The following RBFOX1 variants were observed in gnomAD, a reference collection of about 807,000 sequenced individuals.
RBFOX1 encodes the protein RNA binding fox-1 homolog 1.
In RBFOX1, 8 loss-of-function variants were observed where a neutral mutation model predicts 57.7. That is an observed-to-expected ratio of 0.14 (90% CI 0.08 to 0.25). RBFOX1 has a LOEUF of 0.25. RBFOX1 is among the 10% of genes least tolerant of loss of function. RBFOX1 has a pLI of 1.00. For missense variants in RBFOX1, 611 were observed against 548.5 expected (o/e 1.11, Z -1.14); for synonymous variants, 326 against 222.4 (o/e 1.47, Z -4.15).
intron 2 of RBFOX1, among the ~76,000 whole-genome samples, chr16:6,335,398 C>G (rs1314977468): frequency 1.3e-5 from 2 of 152,114 alleles, no homozygotes; most frequent in Admixed American, 6.5e-5. Context: ...GGAGGAAGTT[C>G]TAGAAATGTG....
At chr16:6,154,927 G>A (rs967504874) in intron 1 of RBFOX1, among the ~76,000 whole-genome samples, 1 of 152,140 alleles carries the variant, frequency 6.6e-6, no homozygotes, top group African/African-American at 2.4e-5. Flanking sequence ...CAATTAGCAA[G>A]CAACTATATT....
At chr16:6,098,276 A>G (rs1012079775) in intron 1 of RBFOX1, among the ~76,000 whole-genome samples, 74 of 152,192 alleles carry the variant, frequency 4.9e-4, no homozygotes, top group Non-Finnish European at 8.8e-5. Context: ...GACAGGCCCA[A>G]GGTCACCTGG....
At chr16:5,467,903 A>T (rs1157592649) in intron 2 of RBFOX1, among the ~76,000 whole-genome samples, 1 of 152,228 alleles carries the variant, frequency 6.6e-6, no homozygotes, top group Non-Finnish European at 1.5e-5. Flanking sequence ...TAGTGTCAAG[A>T]TAGCATCTTT....
intron 3 of RBFOX1, among the ~76,000 whole-genome samples, chr16:6,694,795 C>T (rs760277237): frequency 2.6e-5 from 4 of 152,100 alleles, no homozygotes; most frequent in Non-Finnish European, 4.4e-5. Context: ...AGGGCTTTTC[C>T]GTGCATCAGT....
intron 3 of RBFOX1, among the ~76,000 whole-genome samples, chr16:5,700,235 G>A (rs2050996734): frequency 6.6e-6 from 1 of 151,908 alleles, no homozygotes; most frequent in Non-Finnish European, 1.5e-5. Context: ...CAATTTTTGT[G>A]CTGAATTTAT....
At chr16:7,708,963 C>T (rs889459596) in intron 14 of RBFOX1, 93 bp from the exon 15 acceptor site, 52 of 1,168,020 alleles carry the variant, frequency 4.5e-5, no homozygotes, top group Non-Finnish European at 6.4e-5. Flanking sequence ...GAGTAGGGCC[C>T]CTGCATACTG....
At chr16:7,701,207 C>G (rs909115734) in intron 14 of RBFOX1, among the ~76,000 whole-genome samples, 5 of 152,188 alleles carry the variant, frequency 3.3e-5, no homozygotes, top group African/African-American at 1.2e-4. Flanking sequence ...TGGAGCATTT[C>G]TTCCACTTCT....
At chr16:7,088,074 C>T (rs2060256604) in intron 4 of RBFOX1, among the ~76,000 whole-genome samples, 1 of 152,034 alleles carries the variant, frequency 6.6e-6, no homozygotes, top group South Asian at 2.1e-4. Flanking sequence ...AGACCTGGTT[C>T]ATTAGCATTA....
In RBFOX1 at chr16:7,052,364, C is replaced by T. The variant is rs529600798; in HGVS notation, c.27+266C>T. ...TTTTCTTCTGGAATTTGTTTGACAT[C>T]ATTGTACTCTTTTTATGTACAACAC... On this transcript the variant is annotated intron_variant, in intron 4 of 15. Coordinates refer to ENST00000550418, the MANE Select transcript of RBFOX1 (RefSeq NM_018723.4). Among the ~76,000 whole-genome samples, 9 of 152,286 alleles carry T rather than the reference C, an allele frequency of 5.9e-5. No homozygotes were observed. The East Asian group carries it at 1.7e-3, about 29-fold the overall frequency.
At chr16:7,253,076 C>G (rs749505861) in intron 4 of RBFOX1, among the ~76,000 whole-genome samples, 19 of 152,166 alleles carry the variant, frequency 1.2e-4, no homozygotes, top group Non-Finnish European at 2.2e-4. Context: ...CTTATAATTA[C>G]CTTTAAACAC....
chr16:6,786,688 C>T (rs1403475106), intron 3 of RBFOX1, among the ~76,000 whole-genome samples: 1 of 152,114 alleles, frequency 6.6e-6, no homozygotes, highest in South Asian at 2.1e-4. Context: ...GTTCTGTTTT[C>T]CCTGAATGGG....
At position 5,395,979 on chromosome 16, in the gene RBFOX1, C is replaced by T. The variant is rs560816144; in HGVS notation, c.220-71237C>T. Among the ~76,000 whole-genome samples the T allele has an allele frequency of 2.6e-5, 4 of 152,308 alleles. No individual in the cohort carries two copies. In the East Asian group the frequency reaches 7.7e-4, roughly 29 times the overall value. The stretch of plus-strand genomic sequence containing the variant: ...ATTTTTCCCCATTTAAGCCTGTGGG[C>T]TCAACAGCCCCACTGTTGCCTGAAT... On this transcript the variant is annotated intron_variant, in intron 1 of 2. Coordinates refer to the RBFOX1 transcript ENST00000585867.
intron 3 of RBFOX1, among the ~76,000 whole-genome samples, chr16:6,859,135 A>ACG (rs1567592274): frequency 3.9e-5 from 4 of 102,764 alleles, no homozygotes; most frequent in African/African-American, 1.9e-4. Context: ...ATATACATAT[A>ACG]TATACGTATA....
intron 3 of RBFOX1, among the ~76,000 whole-genome samples, chr16:5,836,444 C>T (rs954171296): frequency 6.6e-6 from 1 of 152,170 alleles, no homozygotes; most frequent in East Asian, 1.9e-4. Context: ...GTCACTTGCT[C>T]CCCCTGTTCT....
At chr16:7,321,057 A>G (rs1298200073) in intron 4 of RBFOX1, among the ~76,000 whole-genome samples, 4 of 142,050 alleles carry the variant, frequency 2.8e-5, no homozygotes, top group Non-Finnish European at 4.5e-5. Flanking sequence ...GAAATTATCT[A>G]TCTATCTGTC....
chr16:7,335,157 G>C (rs1568267641), intron 4 of RBFOX1, among the ~76,000 whole-genome samples: 1 of 152,216 alleles, frequency 6.6e-6, no homozygotes, highest in Non-Finnish European at 1.5e-5. Flanking sequence ...AGAAAAAACT[G>C]TATCACTCAC....
In RBFOX1 at chr16:5,351,974, T is replaced by G. The variant is rs139664392; in HGVS notation, c.219+111869T>G. Among the ~76,000 whole-genome samples, 629 of 152,204 alleles carry G rather than the reference T, an allele frequency of 4.1e-3. 1 individual carries two copies. Among genetic ancestry groups the G allele is most frequent in the Non-Finnish European group, 6.9e-3 (470 of 68,028 alleles). On this transcript the variant is annotated intron_variant, in intron 1 of 2. Coordinates refer to the RBFOX1 transcript ENST00000585867. ...GCCCGCCACCACGCTCGGCTAATTT[T>G]TTTGTATTTTTAGTGGAGACAGGGT... is the stretch of plus-strand genomic sequence containing the variant.
chr16:5,736,066 G>C (rs1456357272), intron 3 of RBFOX1, among the ~76,000 whole-genome samples: 3 of 152,088 alleles, frequency 2.0e-5, no homozygotes, highest in Non-Finnish European at 2.9e-5. Context: ...TTCACAGGGG[G>C]ATTTGGACGT....
intron 3 of RBFOX1, among the ~76,000 whole-genome samples, chr16:5,736,956 G>C (rs2052599146): frequency 7.5e-6 from 1 of 133,498 alleles, no homozygotes; most frequent in African/African-American, 2.9e-5. Flanking sequence ...TTCTTTCCTG[G>C]CCCCCTCTCA....
Sources: gnomAD v4.1 joint callset for allele counts (sites outside exome capture counted in the v4.1 genomes callset) on GRCh38, gnomAD v4.1.1 for gene constraint, MANE v1.5 for transcripts, NCBI Gene and HGNC (gene_info 2026-07-23, HGNC 2026-07-21) for gene names.